RAP1GDS1: variants seen among roughly 807,000 people sequenced by gnomAD.
The protein encoded by RAP1GDS1 is Rap1 GTPase-GDP dissociation stimulator 1.
A neutral mutation model predicts 71.1 loss-of-function variants in RAP1GDS1; 35 were observed. The observed-to-expected ratio is 0.49, with a 90% confidence interval of 0.38 to 0.65. The LOEUF (loss-of-function observed/expected upper bound fraction) is 0.65. Among genes scored for constraint, RAP1GDS1 ranks in the 30% least tolerant of loss-of-function variants. The probability of loss-of-function intolerance (pLI) is 0.00; values close to 1 mark genes in which losing one functional copy is unlikely to be tolerated. For synonymous variants in RAP1GDS1, 229 were observed against 243.1 expected, an observed-to-expected ratio of 0.94 and a Z score of 0.54; for missense variants, 663 against 706.1, an observed-to-expected ratio of 0.94 and a Z score of 0.69.
chr4:98,358,404 G>A (rs531223995), intron 4 of RAP1GDS1, among the ~76,000 whole-genome samples: 4 of 152,134 alleles, frequency 2.6e-5, no homozygotes, highest in African/African-American at 7.2e-5. Context: ...AGTATATCCC[G>A]AGTGTGTTGT....
intron 14 of RAP1GDS1, among the ~76,000 whole-genome samples, chr4:98,437,397 A>T (rs893454109): frequency 1.2e-4 from 19 of 152,356 alleles, no homozygotes; most frequent in African/African-American, 4.6e-4. Context: ...GCAAATCTAG[A>T]CAACATTCAG....
intron 6 of RAP1GDS1, among the ~76,000 whole-genome samples, chr4:98,398,572 A>G (rs943552830): frequency 6.6e-6 from 1 of 152,158 alleles, no homozygotes; most frequent in African/African-American, 2.4e-5. Context: ...GTTGCCTTCA[A>G]AATTTTTAGG....
At position 98,312,213 on chromosome 4, in the gene RAP1GDS1, A is replaced by G. The variant is rs145400259; in HGVS notation, c.112+18698A>G. 6.6e-5 allele frequency among the ~76,000 whole-genome samples: 10 copies of G among 152,238 alleles called. No individual in the cohort carries two copies. In the East Asian group the frequency reaches 1.9e-3, roughly 29 times the overall value. On this transcript the variant is annotated intron_variant, in intron 2 of 14. Transcript: ENST00000408927. ...TCATCTAATTTTGCAATTCATGAAC[A>G]CCTTAGTAACCCAGTCTCCAGCTAA...
Position 98,412,982 on chromosome 4 carries a change from T to C in RAP1GDS1, c.764-3763T>C, listed in dbSNP as rs192040987. On this transcript the variant is annotated intron_variant, in intron 7 of 14. Coordinates refer to ENST00000408927, the MANE Select transcript of RAP1GDS1 (RefSeq NM_001100427.2). The stretch of plus-strand genomic sequence containing the variant: ...ACTGATGAGGGTCTATGTTTGGCTG[T>C]GCACGTATTATCTTGATAAACACCT... 5.1e-3 allele frequency among the ~76,000 whole-genome samples: 780 copies of C among 152,282 alleles called. 5 individuals carry two copies. Among genetic ancestry groups the C allele is most frequent in the Non-Finnish European group, 7.7e-3 (524 of 68,024 alleles).
chr4:98,317,276 G>T lies in RAP1GDS1; in HGVS notation c.112+23761G>T, dbSNP rs140391397. Among the ~76,000 whole-genome samples, 300 of 152,142 alleles carry T rather than the reference G, an allele frequency of 2.0e-3. 1 individual carries two copies. Among genetic ancestry groups the T allele is most frequent in the African/African-American group, 6.8e-3 (284 of 41,502 alleles). On this transcript the variant is annotated intron_variant, in intron 2 of 14. Transcript: ENST00000408927. ...GATTTTTATAATTTCAGCATTTGTC[G>T]TAGGTATTAGGGAGATCTAAGCAAT...
chr4:98,346,592 T>G (rs532691383), intron 3 of RAP1GDS1, among the ~76,000 whole-genome samples: 4 of 151,948 alleles, frequency 2.6e-5, no homozygotes, highest in Non-Finnish European at 4.4e-5. Context: ...TCGCCCAGGC[T>G]GGAGTGCAAT....
chr4:98,361,331 TAATA>T (rs944624198), intron 4 of RAP1GDS1, among the ~76,000 whole-genome samples: 2 of 151,950 alleles, frequency 1.3e-5, no homozygotes, highest in African/African-American at 4.8e-5. Flanking sequence ...ACAATTGGAG[TAATA>T]AATTGGAACA....
intron 2 of RAP1GDS1, among the ~76,000 whole-genome samples, chr4:98,319,153 C>T (rs181950763): frequency 5.6e-4 from 85 of 152,256 alleles, no homozygotes; most frequent in Non-Finnish European, 1.1e-3. Context: ...AAACTATAAA[C>T]TCTTTCAGAG....
chr4:98,334,417 G>C (rs1218598430), intron 2 of RAP1GDS1, among the ~76,000 whole-genome samples: 1 of 152,132 alleles, frequency 6.6e-6, no homozygotes, highest in Non-Finnish European at 1.5e-5. Flanking sequence ...AATTGTATGA[G>C]AAAAACAAAA....
intron 5 of RAP1GDS1, among the ~76,000 whole-genome samples, chr4:98,380,316 T>A (rs553710943): frequency 6.6e-6 from 1 of 151,930 alleles, no homozygotes; most frequent in South Asian, 2.1e-4. Context: ...CTGAAATGTC[T>A]AGTTTGTTAT....
chr4:98,301,005 GT>G (rs575741866), intron 2 of RAP1GDS1, among the ~76,000 whole-genome samples: 15 of 147,480 alleles, frequency 1.0e-4, no homozygotes, highest in South Asian at 4.3e-4. Flanking sequence ...ATTATCAACT[GT>G]TTTTTTTTTC....
intron 4 of RAP1GDS1, among the ~76,000 whole-genome samples, chr4:98,355,456 A>G (rs1247859490): frequency 6.6e-6 from 1 of 152,214 alleles, no homozygotes; most frequent in East Asian, 1.9e-4. Context: ...GTAGGCTTAC[A>G]GTAGATAGTA....
intron 6 of RAP1GDS1, among the ~76,000 whole-genome samples, chr4:98,394,847 C>T (rs1744282343): frequency 6.6e-6 from 1 of 152,028 alleles, no homozygotes; most frequent in South Asian, 2.1e-4. Flanking sequence ...CTTGCATAAA[C>T]CCAGATTCCA....
chr4:98,386,620 G>T (rs1359458215), intron 5 of RAP1GDS1, among the ~76,000 whole-genome samples: 6 of 148,878 alleles, frequency 4.0e-5, no homozygotes, highest in Non-Finnish European at 8.9e-5. Context: ...AATGTATAAT[G>T]GGGCTTAAAG....
chr4:98,417,584 C>T (rs1300835471), intron 9 of RAP1GDS1, 86 bp downstream of exon 9: 18 of 1,388,472 alleles, frequency 1.3e-5, no homozygotes, highest in Non-Finnish European at 1.4e-5. Flanking sequence ...AAAACTGGAA[C>T]AGTTTAGAAG....
chr4:98,301,671 C>A (rs1301328325), intron 2 of RAP1GDS1, among the ~76,000 whole-genome samples: 1 of 152,016 alleles, frequency 6.6e-6, no homozygotes, highest in African/African-American at 2.4e-5. Context: ...AGGGTAATAG[C>A]ACACAATGAA....
rs1743196702 is a variant in RAP1GDS1 at position 98,389,000 on chromosome 4, G to A, written c.509-2952G>A. 3.3e-5 allele frequency among the ~76,000 whole-genome samples: 5 copies of A among 152,152 alleles called. No homozygotes were observed. In the South Asian group the frequency reaches 8.3e-4, roughly 25 times the overall value. The stretch of plus-strand genomic sequence containing the variant: ...CCCAAAAAAATTGCTGCAAAGAATA[G>A]CAGTTTGTTTTACTATTTGTGATGG... On this transcript the variant is annotated intron_variant, in intron 5 of 14. Coordinates refer to ENST00000408927, the MANE Select transcript of RAP1GDS1 (RefSeq NM_001100427.2).
intron 2 of RAP1GDS1, among the ~76,000 whole-genome samples, chr4:98,322,427 ACAT>A (rs1732096188): frequency 8.3e-6 from 1 of 120,540 alleles, no homozygotes; most frequent in Non-Finnish European, 1.7e-5. Context: ...GACCTAATAG[ACAT>A]CTACAGAACT....
chr4:98,418,922 C>T, intron 10 of RAP1GDS1, 131 bp downstream of exon 10: 1 of 941,940 alleles, frequency 1.1e-6, no homozygotes, highest in Non-Finnish European at 1.4e-6. Context: ...TCACATTGTT[C>T]ACATTTTTTC....
Sources: gnomAD v4.1 joint callset for allele counts (sites outside exome capture counted in the v4.1 genomes callset) on GRCh38, gnomAD v4.1.1 for gene constraint, MANE v1.5 for transcripts, NCBI Gene and HGNC (gene_info 2026-07-23, HGNC 2026-07-21) for gene names.